Variants in CTNNA3 observed in about 807,000 individuals in gnomAD.
CTNNA3 encodes the protein catenin alpha-3.
In CTNNA3, 76 loss-of-function variants were observed where a neutral mutation model predicts 95.7. The ratio of observed to expected loss-of-function variants is 0.79; its 90% CI spans 0.66 to 0.96. The LOEUF is 0.96. Among genes scored for constraint, CTNNA3 ranks in the 40% least tolerant of loss-of-function variants. CTNNA3 has a pLI of 0.00. For missense variants in CTNNA3, 1,191 were observed against 1,089.8 expected (o/e 1.09, Z -1.31); for synonymous variants, 431 against 374.4 (o/e 1.15, Z -1.74).
At chr10:67,706,831 C>T (rs1841081454) in intron 1 of CTNNA3, among the ~76,000 whole-genome samples, 2 of 152,116 alleles carry the variant, frequency 1.3e-5, no homozygotes, top group Admixed American at 6.5e-5. Flanking sequence ...CTAGTCCAGA[C>T]CTCTCTCATG....
At chr10:66,999,852 GT>G (rs1164300477) in intron 7 of CTNNA3, among the ~76,000 whole-genome samples, 1 of 152,030 alleles carries the variant, frequency 6.6e-6, no homozygotes, top group Non-Finnish European at 1.5e-5. Context: ...TTCCTAAAAT[GT>G]TTTCCTAATA....
chr10:66,097,537 G>T (rs1475299286), intron 14 of CTNNA3, among the ~76,000 whole-genome samples: 1 of 151,994 alleles, frequency 6.6e-6, no homozygotes, highest in Non-Finnish European at 1.5e-5. Context: ...CTTTATGAAG[G>T]TCATATGGAC....
At chr10:66,056,979 G>C (rs2080100469) in intron 15 of CTNNA3, among the ~76,000 whole-genome samples, 1 of 152,164 alleles carries the variant, frequency 6.6e-6, no homozygotes, top group South Asian at 2.1e-4. Flanking sequence ...ATTTGCCAAA[G>C]CTTTCAATTC....
chr10:67,536,402 A>C (rs1840487865), intron 4 of CTNNA3, among the ~76,000 whole-genome samples: 1 of 152,164 alleles, frequency 6.6e-6, no homozygotes, highest in Non-Finnish European at 1.5e-5. Flanking sequence ...TCACTGTCTC[A>C]GAAAATTGAG....
intron 5 of CTNNA3, among the ~76,000 whole-genome samples, chr10:67,229,470 C>T (rs1865086815): frequency 1.3e-5 from 2 of 152,132 alleles, no homozygotes; most frequent in African/African-American, 4.8e-5. Context: ...CTAGCCAGAG[C>T]AATCAGACAA....
intron 1 of CTNNA3, among the ~76,000 whole-genome samples, chr10:67,737,772 T>G (rs1841310865): frequency 6.6e-6 from 1 of 152,154 alleles, no homozygotes; most frequent in Admixed American, 6.5e-5. Flanking sequence ...CTGGAGAGGA[T>G]GTGGAGAAAT....
chr10:66,850,474 A>G (rs1158143690), intron 7 of CTNNA3, among the ~76,000 whole-genome samples: 1 of 152,122 alleles, frequency 6.6e-6, no homozygotes, highest in East Asian at 1.9e-4. Context: ...TTATAGGGCA[A>G]AAAGCTTTGC....
At chr10:67,371,437 T>A (rs1410640455) in intron 5 of CTNNA3, among the ~76,000 whole-genome samples, 1 of 144,314 alleles carries the variant, frequency 6.9e-6, no homozygotes, top group Non-Finnish European at 1.5e-5. Flanking sequence ...TGTCCATGTG[T>A]TCTCATTGTT....
intron 7 of CTNNA3, among the ~76,000 whole-genome samples, chr10:66,776,972 T>C (rs1840327502): frequency 4.6e-5 from 7 of 152,102 alleles, no homozygotes; most frequent in Admixed American, 4.6e-4. Context: ...AAACACAACA[T>C]AGTTTGATTA....
chr10:66,118,883 A>G (rs779946597), intron 13 of CTNNA3, among the ~76,000 whole-genome samples: 1 of 151,958 alleles, frequency 6.6e-6, no homozygotes, highest in African/African-American at 2.4e-5. Context: ...TTTGTGTGTC[A>G]CACTATTCTT....
intron 7 of CTNNA3, among the ~76,000 whole-genome samples, chr10:67,088,271 A>G (rs1857422225): frequency 6.6e-6 from 1 of 151,770 alleles, no homozygotes; most frequent in Non-Finnish European, 1.5e-5. Context: ...GAAGGCATTC[A>G]GCAAACCTTC....
At chr10:66,376,297 G>T (rs1220082121) in intron 12 of CTNNA3, among the ~76,000 whole-genome samples, 2 of 152,094 alleles carry the variant, frequency 1.3e-5, no homozygotes, top group African/African-American at 4.8e-5. Flanking sequence ...AAGAATTCCT[G>T]ACAGGAGGAG....
intron 9 of CTNNA3, among the ~76,000 whole-genome samples, chr10:66,648,632 T>G (rs1268460805): frequency 6.6e-6 from 1 of 152,126 alleles, no homozygotes; most frequent in Non-Finnish European, 1.5e-5. Flanking sequence ...ATAAGAAATA[T>G]TCTAGCTACA....
At chr10:65,997,403 G>A (rs1366936775) in intron 15 of CTNNA3, among the ~76,000 whole-genome samples, 3 of 152,094 alleles carry the variant, frequency 2.0e-5, no homozygotes, top group African/African-American at 4.8e-5. Context: ...CTGGTCAATC[G>A]GTATACCATC....
chr10:66,170,864 T>A (rs2085387907), intron 13 of CTNNA3, among the ~76,000 whole-genome samples: 1 of 152,152 alleles, frequency 6.6e-6, no homozygotes. Context: ...CTGGGCACAG[T>A]GGCTCTTGCC....
Position 67,407,653 on chromosome 10 carries a change from G to A in CTNNA3, c.579+114189C>T, listed in dbSNP as rs146005905. On this transcript the variant is annotated intron_variant, in intron 5 of 17. Coordinates refer to ENST00000433211, the MANE Select transcript of CTNNA3 (RefSeq NM_013266.4). ...CTTCGTTTGCAGGTGACATAATTGCGTATCTAGAAAACCCCACTGACTCAC... is the reference window on the plus strand; with the variant it reads ...CTTCGTTTGCAGGTGACATAATTGCATATCTAGAAAACCCCACTGACTCAC... 2.1e-3 allele frequency among the ~76,000 whole-genome samples: 327 copies of A among 152,110 alleles called. 2 individuals are homozygous for A. Among genetic ancestry groups the A allele is most frequent in the African/African-American group, 7.5e-3 (311 of 41,536 alleles).
intron 17 of CTNNA3, among the ~76,000 whole-genome samples, chr10:65,927,199 G>A (rs2077181356): frequency 6.6e-6 from 1 of 152,024 alleles, no homozygotes; most frequent in African/African-American, 2.4e-5. Context: ...TATTAAACGA[G>A]TCTTTAAAAA....
In CTNNA3 at chr10:67,337,704, G is replaced by A. The variant is rs371012947; in HGVS notation, c.580-117834C>T. Among the ~76,000 whole-genome samples the A allele has an allele frequency of 5.3e-5, 8 of 151,978 alleles. No homozygotes were observed. The East Asian group carries it at 7.7e-4, about 15-fold the overall frequency. ...AAATTGCCACAGCCACCCAACATAC[G>A]GCAACTATTACCCTGATCAATCAAC... On this transcript the variant is annotated intron_variant, in intron 5 of 17. Transcript: ENST00000433211.
chr10:66,243,491 A>G lies in CTNNA3; in HGVS notation c.1884+36979T>C, dbSNP rs145718073. On this transcript the variant is annotated intron_variant, in intron 13 of 17. Coordinates refer to ENST00000433211, the MANE Select transcript of CTNNA3 (RefSeq NM_013266.4). ...TTAACCCAGACATTCCTTTTTTTCT[A>G]TTGATTCTAGGTCTTTAGATAAATT... Among the ~76,000 whole-genome samples, 9 of 152,162 alleles carry G rather than the reference A, an allele frequency of 5.9e-5. No individual in the cohort carries two copies. The East Asian group carries it at 1.7e-3, about 29-fold the overall frequency.
Sources: allele counts gnomAD v4.1 joint callset (sites outside exome capture counted in the v4.1 genomes callset), GRCh38; gene constraint gnomAD v4.1.1; transcripts MANE v1.5; gene names NCBI Gene and HGNC (gene_info 2026-07-23, HGNC 2026-07-21).